The following UTRN variants were observed in gnomAD, a reference collection of about 807,000 sequenced individuals.
UTRN encodes dystrophin-related protein 1.
Under a neutral mutation model 463.9 loss-of-function variants are expected in UTRN, and 283 were observed. The ratio of observed to expected loss-of-function variants is 0.61; its 90% CI spans 0.55 to 0.67. The LOEUF (loss-of-function observed/expected upper bound fraction) is 0.67, where lower values mean the gene tolerates loss of function less well. Ranked by LOEUF, UTRN falls within the 30% of genes least tolerant of loss-of-function variation. UTRN has a pLI of 0.00. For synonymous variants in UTRN, 1,442 were observed against 1,431.5 expected, an observed-to-expected ratio of 1.01 and a Z score of -0.17; for missense variants, 3,922 against 4,084.3, an observed-to-expected ratio of 0.96 and a Z score of 1.08.
chr6:144,835,743 A>C, intron 69 of UTRN, 37 bp from the exon 70 acceptor site: 1 of 1,612,008 alleles, frequency 6.2e-7, no homozygotes. Context: ...CACCATCCAG[A>C]TGTGAGCCTC....
intron 23 of UTRN, among the ~76,000 whole-genome samples, chr6:144,472,647 G>T (rs781364776): frequency 6.6e-6 from 1 of 152,096 alleles, no homozygotes; most frequent in Non-Finnish European, 1.5e-5. Flanking sequence ...ATCATGGAAG[G>T]AATTGGGAAC....
At chr6:144,537,297 C>T (rs980655446) in intron 43 of UTRN, among the ~76,000 whole-genome samples, 12 of 151,882 alleles carry the variant, frequency 7.9e-5, no homozygotes, top group African/African-American at 2.7e-4. Context: ...GTAAAAAAGG[C>T]TTTTGTATTC....
At chr6:144,820,767 A>G (rs890298257) in intron 65 of UTRN, 115 bp from the exon 66 acceptor site, 2 of 1,339,066 alleles carry the variant, frequency 1.5e-6, no homozygotes, top group Non-Finnish European at 2.0e-6. Flanking sequence ...AATGCATAAA[A>G]CTACCAAAAC....
intron 57 of UTRN, among the ~76,000 whole-genome samples, chr6:144,756,919 G>A (rs1490570654): frequency 6.6e-6 from 1 of 152,030 alleles, no homozygotes; most frequent in African/African-American, 2.4e-5. Flanking sequence ...ACTTTAACGT[G>A]TATCTTGCTG....
intron 50 of UTRN, among the ~76,000 whole-genome samples, chr6:144,566,075 T>C (rs1013534522): frequency 1.3e-5 from 2 of 151,946 alleles, no homozygotes; most frequent in Admixed American, 1.3e-4. Flanking sequence ...GAGAATTGGG[T>C]TTGGTAAGAA....
chr6:144,784,267 A>T (rs185171083), intron 61 of UTRN, among the ~76,000 whole-genome samples: 1 of 152,336 alleles, frequency 6.6e-6, no homozygotes. Flanking sequence ...GGGCTGCCAT[A>T]ACAAAGAATG....
intron 33 of UTRN, among the ~76,000 whole-genome samples, chr6:144,498,926 G>A (rs1793924454): frequency 6.6e-6 from 1 of 152,054 alleles, no homozygotes; most frequent in Non-Finnish European, 1.5e-5. Flanking sequence ...GCCTGCCTCG[G>A]CCTCCCAAAG....
At chr6:144,624,265 A>ACT (rs1585629495) in intron 51 of UTRN, among the ~76,000 whole-genome samples, 1 of 152,306 alleles carries the variant, frequency 6.6e-6, no homozygotes, top group East Asian at 1.9e-4. Flanking sequence ...TCTAGATTTG[A>ACT]GTATATTACT....
In UTRN at chr6:144,812,981, G is replaced by C. The variant is rs78327162; in HGVS notation, c.9358-7901G>C. Among the ~76,000 whole-genome samples, 482 of 152,096 alleles carry C rather than the reference G, an allele frequency of 3.2e-3. 1 individual carries two copies. The highest frequency in any genetic ancestry group is 0.014 in the Middle Eastern group (4 of 294). On this transcript the variant is annotated intron_variant, in intron 65 of 74. Coordinates refer to ENST00000367545, the MANE Select transcript of UTRN (RefSeq NM_007124.3). ...ATTCACATGCCCACTTATCTGTGTAGGTTCAGTTCTAAAATGTTTTTCACA... is the reference window on the plus strand; with the variant it reads ...ATTCACATGCCCACTTATCTGTGTACGTTCAGTTCTAAAATGTTTTTCACA...
intron 2 of UTRN, among the ~76,000 whole-genome samples, chr6:144,396,637 G>T (rs1782449215): frequency 6.6e-6 from 1 of 152,214 alleles, no homozygotes; most frequent in African/African-American, 2.4e-5. Flanking sequence ...TGGGTAAATT[G>T]TATGGTAGGT....
At chr6:144,600,150 G>A (rs1804091605) in intron 51 of UTRN, among the ~76,000 whole-genome samples, 1 of 152,004 alleles carries the variant, frequency 6.6e-6, no homozygotes, top group African/African-American at 2.4e-5. Context: ...CTTTCCTTGG[G>A]CCTCCCTATT....
chr6:144,824,572 TTATATA>T (rs71028314), intron 66 of UTRN, among the ~76,000 whole-genome samples: 456 of 37,874 alleles, frequency 0.012, 3 homozygotes, highest in Middle Eastern at 0.056. Context: ...AGCATTTTAT[TTATATA>T]TATATATATA....
chr6:144,846,929 T>C (rs1240604600), intron 74 of UTRN, 102 bp downstream of exon 74: 1 of 1,465,852 alleles, frequency 6.8e-7, no homozygotes, highest in Non-Finnish European at 9.5e-7. Context: ...TCCATGTAAA[T>C]AAGTAAACTT....
chr6:144,398,584 G>C (rs1217682114), intron 2 of UTRN: 2 of 232,656 alleles, frequency 8.6e-6, no homozygotes, highest in African/African-American at 2.3e-5. Context: ...AAGCACCCAG[G>C]AGCTATGATA....
At chr6:144,523,545 G>A (rs1796310939) in intron 41 of UTRN, among the ~76,000 whole-genome samples, 1 of 152,084 alleles carries the variant, frequency 6.6e-6, no homozygotes, top group African/African-American at 2.4e-5. Flanking sequence ...CCGGACCTCA[G>A]GCAGTCCGCC....
intron 51 of UTRN, among the ~76,000 whole-genome samples, chr6:144,602,241 C>T (rs1377306679): frequency 1.3e-5 from 2 of 152,036 alleles, no homozygotes; most frequent in Admixed American, 1.3e-4. Flanking sequence ...AAGCAATTCT[C>T]CTGCCTCAGC....
chr6:144,417,160 G>A (rs943585012), intron 3 of UTRN, among the ~76,000 whole-genome samples: 2 of 152,154 alleles, frequency 1.3e-5, no homozygotes, highest in African/African-American at 4.8e-5. Flanking sequence ...TCAAAATGTA[G>A]TATATATCTT....
At chr6:144,396,515 A>C (rs1328653083) in intron 2 of UTRN, among the ~76,000 whole-genome samples, 6 of 152,188 alleles carry the variant, frequency 3.9e-5, no homozygotes, top group Non-Finnish European at 7.3e-5. Flanking sequence ...AATGACTGAA[A>C]TCACAAATAT....
intron 41 of UTRN, among the ~76,000 whole-genome samples, chr6:144,528,222 G>A (rs1326830760): frequency 6.6e-6 from 1 of 152,010 alleles, no homozygotes; most frequent in African/African-American, 2.4e-5. Flanking sequence ...TTTTAGTGGA[G>A]ACAGGGTTTC....
Sources: allele counts gnomAD v4.1 joint callset (sites outside exome capture counted in the v4.1 genomes callset), GRCh38; gene constraint gnomAD v4.1.1; transcripts MANE v1.5; gene names NCBI Gene and HGNC (gene_info 2026-07-23, HGNC 2026-07-21).